Variants in ZFYVE28 observed in about 807,000 individuals in gnomAD.
ZFYVE28 encodes lateral signaling target protein 2 homolog.
Under a neutral mutation model 82.1 loss-of-function variants are expected in ZFYVE28, and 40 were observed. That is an observed-to-expected ratio of 0.49 (90% CI 0.38 to 0.63). ZFYVE28 has a LOEUF of 0.63. ZFYVE28 is among the 30% of genes least tolerant of loss of function. The pLI is 0.00. For missense variants in ZFYVE28, 1,321 were observed against 1,242.1 expected (o/e 1.06, Z -0.96); for synonymous variants, 612 against 546.1 (o/e 1.12, Z -1.68).
At chr4:2,312,605 G>A (rs1209991250) in intron 7 of ZFYVE28, among the ~76,000 whole-genome samples, 1 of 151,738 alleles carries the variant, frequency 6.6e-6, no homozygotes, top group Admixed American at 6.6e-5. Context: ...GCGGGCGCCT[G>A]TAGTCCCAGC....
At chr4:2,383,549 G>C (rs969207815) in intron 1 of ZFYVE28, among the ~76,000 whole-genome samples, 2 of 152,218 alleles carry the variant, frequency 1.3e-5, no homozygotes, top group African/African-American at 4.8e-5. Flanking sequence ...CTTAGTGGCA[G>C]CGCACTTATC....
intron 1 of ZFYVE28, among the ~76,000 whole-genome samples, chr4:2,399,050 A>AAGCGTGGAGGTGAGATCCAGGGCACC (rs2108933051): frequency 6.7e-6 from 1 of 148,572 alleles, no homozygotes. Flanking sequence ...TCCAGGGCAC[A>AAGCGTGGAGGTGAGATCCAGGGCACC]AGCGTGGAGG....
chr4:2,339,642 C>G lies in ZFYVE28; in HGVS notation c.332G>C (p.Gly111Ala). 1 of 1,602,500 alleles carries G rather than the reference C, an allele frequency of 6.2e-7. No homozygotes were observed. The highest frequency in any genetic ancestry group is 8.5e-7 in the Non-Finnish European group (1 of 1,175,490). The change falls in exon 4 of 13, where the codon GGC becomes GCC. Residue 111 changes from glycine (G) to alanine (A), a missense_variant. Transcript: ENST00000290974. The surrounding 1 kb of genome is among the most constrained non-coding windows in gnomAD (Gnocchi z 5.0). Reference sequence around the variant, plus strand: ...CAGCTCCCGGTTCATGATGATGGAGCCGGCGGCCAGGCACTGCGGGAGGGG... The same window carrying G: ...CAGCTCCCGGTTCATGATGATGGAGGCGGCGGCCAGGCACTGCGGGAGGGG... ...LWFGAECLAA[G>A]SIIMNRELES...
chr4:2,377,564 A>C (rs1728291091), intron 1 of ZFYVE28, among the ~76,000 whole-genome samples: 1 of 152,016 alleles, frequency 6.6e-6, no homozygotes, highest in African/African-American at 2.4e-5. Context: ...CTGCCCCTTC[A>C]CTAGCAGTTC....
At chr4:2,275,103 C>T (rs1736291004) in intron 8 of ZFYVE28, among the ~76,000 whole-genome samples, 1 of 152,078 alleles carries the variant, frequency 6.6e-6, no homozygotes, top group Non-Finnish European at 1.5e-5. Context: ...CCACAGGCCT[C>T]GCTGGCCTCC....
chr4:2,406,058 A>AG (rs1553867794), intron 1 of ZFYVE28, among the ~76,000 whole-genome samples: 1 of 29,422 alleles, frequency 3.4e-5, no homozygotes, highest in Non-Finnish European at 5.6e-5. Flanking sequence ...AAAAAAAAAA[A>AG]AAAAAAAGAA....
chr4:2,376,933 A>C (rs1302231228), intron 1 of ZFYVE28, among the ~76,000 whole-genome samples: 1 of 152,184 alleles, frequency 6.6e-6, no homozygotes, highest in Non-Finnish European at 1.5e-5. Context: ...CTCAAAAAAA[A>C]TAAATAAATA....
At chr4:2,348,851 T>C (rs1213611654) in intron 2 of ZFYVE28, among the ~76,000 whole-genome samples, 1 of 152,204 alleles carries the variant, frequency 6.6e-6, no homozygotes, top group East Asian at 1.9e-4. Flanking sequence ...GTAGCATATT[T>C]GTGATTCCCA....
intron 1 of ZFYVE28, among the ~76,000 whole-genome samples, chr4:2,375,358 C>CG (rs1372802250): frequency 6.6e-6 from 1 of 152,202 alleles, no homozygotes; most frequent in Non-Finnish European, 1.5e-5. Context: ...GTCAATCAGC[C>CG]GGGCCAGCAT....
chr4:2,297,281 A>G (rs1331196884), intron 8 of ZFYVE28, among the ~76,000 whole-genome samples: 2 of 152,164 alleles, frequency 1.3e-5, no homozygotes, highest in African/African-American at 2.4e-5. Context: ...CGACCTCACC[A>G]TGGGGCAGAG....
chr4:2,380,670 T>C (rs1160131080), intron 1 of ZFYVE28, among the ~76,000 whole-genome samples: 1 of 152,188 alleles, frequency 6.6e-6, no homozygotes, highest in African/African-American at 2.4e-5. Flanking sequence ...GGGAGATAAT[T>C]TGAATCATGG....
chr4:2,302,599 C>T (rs1349336831), intron 8 of ZFYVE28, among the ~76,000 whole-genome samples: 2 of 152,252 alleles, frequency 1.3e-5, no homozygotes, highest in African/African-American at 2.4e-5. Flanking sequence ...ACAGAGTGAC[C>T]ACATGATCCG....
intron 7 of ZFYVE28, among the ~76,000 whole-genome samples, chr4:2,311,734 C>T (rs1047226042): frequency 1.3e-5 from 2 of 151,976 alleles, no homozygotes; most frequent in African/African-American, 4.8e-5. Flanking sequence ...GCATTTAGTG[C>T]TATAAATTTC....
chr4:2,277,949 T>A (rs1456743862), intron 8 of ZFYVE28, among the ~76,000 whole-genome samples: 1 of 152,104 alleles, frequency 6.6e-6, no homozygotes, highest in Non-Finnish European at 1.5e-5. Context: ...AGAGCAGGAA[T>A]CAAGACTGTG....
chr4:2,293,771 AT>A lies in ZFYVE28; in HGVS notation c.2051+10517del, dbSNP rs202224135. Among the ~76,000 whole-genome samples the A allele has an allele frequency of 4.5e-3, 678 of 149,936 alleles. 24 individuals carry two copies. Among genetic ancestry groups the A allele is most frequent in the African/African-American group, 0.015 (618 of 40,720 alleles). ...CCATCTCAAAAAAAAAAAAAAAAAA[AT>A]CTTCTAGAAGATCTACAAAAATCAG... On this transcript the variant is annotated intron_variant, in intron 8 of 12. Coordinates refer to ENST00000290974, the MANE Select transcript of ZFYVE28 (RefSeq NM_020972.3).
At chr4:2,299,430 G>A (rs1384463493) in intron 8 of ZFYVE28, among the ~76,000 whole-genome samples, 3 of 151,032 alleles carry the variant, frequency 2.0e-5, no homozygotes, top group Non-Finnish European at 4.4e-5. Flanking sequence ...CTTTGCTGTG[G>A]TGATTCTACT....
chr4:2,370,756 G>A (rs1337827744), intron 1 of ZFYVE28, among the ~76,000 whole-genome samples: 1 of 152,192 alleles, frequency 6.6e-6, no homozygotes, highest in Non-Finnish European at 1.5e-5. Context: ...CCTGCAGTGG[G>A]CCAGTCTGGG....
Position 2,319,535 on chromosome 4 carries a change from A to C in ZFYVE28, c.803+635T>G, listed in dbSNP as rs370071033. The stretch of plus-strand genomic sequence containing the variant: ...TGCAGTGATCAGGGGCCGTGGTAGG[A>C]AATACCAAGCTGTCCCAGGCCACAG... On this transcript the variant is annotated intron_variant, in intron 7 of 12. Transcript: ENST00000290974. 3.2e-3 allele frequency among the ~76,000 whole-genome samples: 489 copies of C among 152,260 alleles called. 4 individuals are homozygous for C. The highest frequency in any genetic ancestry group is 0.011 in the African/African-American group (473 of 41,548).
intron 8 of ZFYVE28, among the ~76,000 whole-genome samples, chr4:2,279,358 G>C (rs1028751103): frequency 6.6e-6 from 1 of 152,222 alleles, no homozygotes; most frequent in African/African-American, 2.4e-5. Flanking sequence ...TTGAACCCAG[G>C]AGGCAGAGGT....
Sources: gnomAD v4.1 joint callset for allele counts (sites outside exome capture counted in the v4.1 genomes callset) on GRCh38, gnomAD v4.1.1 for gene constraint, Gnocchi (gnomAD v3.1) non-coding constraint, MANE v1.5 for transcripts, NCBI Gene and HGNC (gene_info 2026-07-23, HGNC 2026-07-21) for gene names.